The following FHOD3 variants were observed in gnomAD, a reference collection of about 807,000 sequenced individuals.
FHOD3 encodes the protein FH1/FH2 domain-containing protein 3.
In FHOD3, 90 loss-of-function variants were observed where a neutral mutation model predicts 173.0. The observed-to-expected ratio is 0.52, with a 90% CI of 0.44 to 0.62. FHOD3 has a LOEUF of 0.62. Ranked by LOEUF, FHOD3 falls within the 20% of genes least tolerant of loss-of-function variation. The pLI is 0.00. For missense variants in FHOD3, 1,945 were observed against 2,034.7 expected (o/e 0.96, Z 0.85); for synonymous variants, 828 against 823.0 (o/e 1.01, Z -0.10).
intron 14 of FHOD3, among the ~76,000 whole-genome samples, chr18:36,680,151 A>C (rs1017749546): frequency 8.5e-5 from 13 of 152,208 alleles, no homozygotes; most frequent in South Asian, 2.1e-4. Context: ...GTGAGCCTGG[A>C]ATATTGAATT....
chr18:36,590,301 C>T (rs867772519), intron 6 of FHOD3, among the ~76,000 whole-genome samples: 3 of 152,082 alleles, frequency 2.0e-5, no homozygotes, highest in Middle Eastern at 3.2e-3. Flanking sequence ...GTGGCTGTTC[C>T]AAGCTTCCAA....
At chr18:36,550,244 A>ATATATATATATATG (rs2057592813) in intron 5 of FHOD3, among the ~76,000 whole-genome samples, 1 of 46,472 alleles carries the variant, frequency 2.2e-5, no homozygotes, top group African/African-American at 9.0e-5. Flanking sequence ...GTGGTAGACC[A>ATATATATATATATG]TATATATATA....
intron 5 of FHOD3, among the ~76,000 whole-genome samples, chr18:36,569,954 T>C (rs1261438446): frequency 6.6e-6 from 1 of 151,954 alleles, no homozygotes; most frequent in Admixed American, 6.6e-5. Flanking sequence ...CTGCATATAT[T>C]AGAAAAGAGG....
At chr18:36,556,501 A>C (rs1219396759) in intron 5 of FHOD3, among the ~76,000 whole-genome samples, 2 of 152,202 alleles carry the variant, frequency 1.3e-5, no homozygotes, top group East Asian at 3.8e-4. Context: ...GATACTAGAC[A>C]CAACTGTTTT....
intron 14 of FHOD3, among the ~76,000 whole-genome samples, chr18:36,673,927 T>G (rs2037690862): frequency 6.6e-6 from 1 of 152,160 alleles, no homozygotes; most frequent in Non-Finnish European, 1.5e-5. Flanking sequence ...CTGAAACAAA[T>G]TCTTTTATTA....
chr18:36,437,799 G>A (rs1235279966), intron 3 of FHOD3, among the ~76,000 whole-genome samples: 2 of 151,632 alleles, frequency 1.3e-5, no homozygotes, highest in Non-Finnish European at 2.9e-5. Context: ...GAGTAGCTGG[G>A]ATTACAGACA....
intron 3 of FHOD3, among the ~76,000 whole-genome samples, chr18:36,438,106 T>G (rs937687574): frequency 6.6e-6 from 1 of 152,182 alleles, no homozygotes; most frequent in African/African-American, 2.4e-5. Context: ...GGAACCTCCA[T>G]GAAGACCTCA....
intron 20 of FHOD3, among the ~76,000 whole-genome samples, chr18:36,735,989 A>G (rs1259561939): frequency 3.3e-5 from 5 of 152,230 alleles, no homozygotes; most frequent in Non-Finnish European, 5.9e-5. Flanking sequence ...TGCTGGAGAG[A>G]CGCTGTCTAG....
intron 18 of FHOD3, 90 bp downstream of exon 18, chr18:36,709,481 C>T (rs2040053728): frequency 7.1e-7 from 1 of 1,407,250 alleles, no homozygotes; most frequent in Non-Finnish European, 9.6e-7. Flanking sequence ...ACAGGCTGGC[C>T]TCTGAGGTGA....
chr18:36,533,825 G>C (rs1291999904), intron 5 of FHOD3, among the ~76,000 whole-genome samples: 1 of 152,182 alleles, frequency 6.6e-6, no homozygotes, highest in Non-Finnish European at 1.5e-5. Flanking sequence ...TAGGGAAGGA[G>C]AAAATGGAAT....
chr18:36,484,656 C>T (rs1012090560), intron 3 of FHOD3, among the ~76,000 whole-genome samples: 8 of 152,064 alleles, frequency 5.3e-5, no homozygotes. Context: ...TCTCTGCAGT[C>T]GATGTTTGAG....
chr18:36,462,944 C>T (rs1337894387), intron 3 of FHOD3, among the ~76,000 whole-genome samples: 1 of 152,136 alleles, frequency 6.6e-6, no homozygotes, highest in African/African-American at 2.4e-5. Context: ...CTTATCTGAT[C>T]TTGATGTATT....
At chr18:36,356,538 C>T (rs2046366919) in intron 2 of FHOD3, among the ~76,000 whole-genome samples, 1 of 152,150 alleles carries the variant, frequency 6.6e-6, no homozygotes, top group Admixed American at 6.5e-5. Flanking sequence ...ACTCCAGTTG[C>T]CCAGGCTGGA....
At chr18:36,372,631 GTC>G (rs759973719) in intron 2 of FHOD3, 47 bp from the exon 3 acceptor site, 14 of 1,539,006 alleles carry the variant, frequency 9.1e-6, no homozygotes, top group Non-Finnish European at 1.3e-5. Context: ...CATGTGAGGT[GTC>G]TCTGCTGACT....
chr18:36,568,027 A>C (rs1052677995), intron 5 of FHOD3, among the ~76,000 whole-genome samples: 1 of 151,908 alleles, frequency 6.6e-6, no homozygotes, highest in Admixed American at 6.6e-5. Flanking sequence ...TGAAGGACTA[A>C]GAAGGGGGAG....
At chr18:36,457,965 A>C (rs1427245809) in intron 3 of FHOD3, among the ~76,000 whole-genome samples, 1 of 152,190 alleles carries the variant, frequency 6.6e-6, no homozygotes, top group Non-Finnish European at 1.5e-5. Context: ...TCTGACCTAT[A>C]CTGAGGGGTA....
intron 6 of FHOD3, among the ~76,000 whole-genome samples, chr18:36,578,647 A>T (rs1337159939): frequency 6.6e-6 from 1 of 152,070 alleles, no homozygotes; most frequent in Non-Finnish European, 1.5e-5. Context: ...CCTCCCAAGG[A>T]TTCTGCTGTC....
At chr18:36,456,354 T>C (rs890917927) in intron 3 of FHOD3, among the ~76,000 whole-genome samples, 3 of 152,122 alleles carry the variant, frequency 2.0e-5, no homozygotes, top group Non-Finnish European at 4.4e-5. Context: ...CTGTAGACTT[T>C]ATCAGCAGCA....
chr18:36,467,564 G>A (rs1388861386), intron 3 of FHOD3, among the ~76,000 whole-genome samples: 3 of 152,034 alleles, frequency 2.0e-5, no homozygotes, highest in Non-Finnish European at 4.4e-5. Context: ...AGGGGGTCAA[G>A]GGCAAATCCC....
Sources: gnomAD v4.1 joint callset for allele counts (sites outside exome capture counted in the v4.1 genomes callset) on GRCh38, gnomAD v4.1.1 for gene constraint, MANE v1.5 for transcripts, NCBI Gene and HGNC (gene_info 2026-07-23, HGNC 2026-07-21) for gene names.